ESRRG: variants seen among roughly 807,000 people sequenced by gnomAD.
The protein encoded by ESRRG is estrogen related receptor gamma.
Under a neutral mutation model 44.0 loss-of-function variants are expected in ESRRG, and 13 were observed. The observed-to-expected ratio is 0.30, with a 90% confidence interval of 0.19 to 0.47. The LOEUF (loss-of-function observed/expected upper bound fraction) is 0.47, where lower values mean the gene tolerates loss of function less well. ESRRG is among the 20% of genes least tolerant of loss of function. ESRRG has a pLI of 1.00. For synonymous variants in ESRRG, 215 were observed against 214.6 expected, an observed-to-expected ratio of 1.00 and a Z score of -0.02; for missense variants, 395 against 580.6, an observed-to-expected ratio of 0.68 and a Z score of 3.29.
intron 1 of ESRRG, among the ~76,000 whole-genome samples, chr1:216,964,194 G>A (rs759418805): frequency 1.3e-5 from 2 of 152,116 alleles, no homozygotes; most frequent in Non-Finnish European, 2.9e-5. Context: ...TAGGATTTTG[G>A]TCTTTATCCT....
chr1:217,026,789 A>G (rs1189329495), intron 1 of ESRRG, among the ~76,000 whole-genome samples: 2 of 152,146 alleles, frequency 1.3e-5, no homozygotes, highest in East Asian at 3.9e-4. Flanking sequence ...TTCCATGCAG[A>G]GTCCCCAGTG....
At chr1:216,877,393 G>T (rs369956238) in intron 2 of ESRRG, among the ~76,000 whole-genome samples, 19,009 of 139,378 alleles carry the variant, frequency 0.14, 1,817 homozygotes, top group Non-Finnish European at 0.18. Flanking sequence ...TTTTTTGTTT[G>T]TTTGTTTGTT....
chr1:216,813,459 C>T (rs755203332), intron 2 of ESRRG, among the ~76,000 whole-genome samples: 2 of 152,018 alleles, frequency 1.3e-5, no homozygotes, highest in African/African-American at 2.4e-5. Context: ...GGAGTATGTC[C>T]CAACTCAGAG....
intron 2 of ESRRG, among the ~76,000 whole-genome samples, chr1:216,877,149 T>C (rs1174138612): frequency 6.6e-6 from 1 of 152,158 alleles, no homozygotes; most frequent in African/African-American, 2.4e-5. Flanking sequence ...GTACTCATCA[T>C]GTTTCATTAT....
chr1:216,673,266 G>C (rs1236486279), intron 2 of ESRRG, among the ~76,000 whole-genome samples: 1 of 152,194 alleles, frequency 6.6e-6, no homozygotes, highest in African/African-American at 2.4e-5. Context: ...GAAAGGAGGG[G>C]CCGTTCCAAT....
chr1:217,116,669 A>T (rs765445990), intron 1 of ESRRG, among the ~76,000 whole-genome samples: 1 of 152,172 alleles, frequency 6.6e-6, no homozygotes, highest in Non-Finnish European at 1.5e-5. Flanking sequence ...AGACTGTAGC[A>T]ACCAAGATGC....
At chr1:216,539,891 C>T (rs1206194574) in intron 5 of ESRRG, among the ~76,000 whole-genome samples, 4 of 151,804 alleles carry the variant, frequency 2.6e-5, no homozygotes, top group African/African-American at 9.7e-5. Flanking sequence ...AAATTCATTA[C>T]TACCAAAATA....
intron 1 of ESRRG, among the ~76,000 whole-genome samples, chr1:217,070,508 G>A (rs940540428): frequency 1.3e-5 from 2 of 151,982 alleles, no homozygotes; most frequent in Non-Finnish European, 2.9e-5. Context: ...CAGCCTCCCA[G>A]TAGCTGGGAT....
At chr1:216,901,095 C>T (rs1011881672) in intron 2 of ESRRG, among the ~76,000 whole-genome samples, 1 of 151,892 alleles carries the variant, frequency 6.6e-6, no homozygotes, top group Admixed American at 6.6e-5. Context: ...GTTAACAAAA[C>T]ATGATTGGAA....
In ESRRG at chr1:216,624,693, C is replaced by T. The variant is rs188163726; in HGVS notation, c.589+26280G>A. Among the ~76,000 whole-genome samples the T allele has an allele frequency of 8.1e-4, 124 of 152,218 alleles. 1 individual carries two copies. Among genetic ancestry groups the T allele is most frequent in the Admixed American group, 7.7e-3 (117 of 15,282 alleles). On this transcript the variant is annotated intron_variant, in intron 3 of 6. Transcript: ENST00000408911. ...TCTGTTCTCAGGTTAATATCTCCAT[C>T]CCTGAAAGTCTCACCCAAATTCAAG...
At chr1:216,933,642 G>A (rs1293698337) in intron 2 of ESRRG, among the ~76,000 whole-genome samples, 1 of 152,142 alleles carries the variant, frequency 6.6e-6, no homozygotes, top group Non-Finnish European at 1.5e-5. Flanking sequence ...ATTGGAAAGT[G>A]ATTAATTTGC....
At chr1:216,592,503 CT>C (rs796962095) in intron 3 of ESRRG, among the ~76,000 whole-genome samples, 63 of 147,518 alleles carry the variant, frequency 4.3e-4, no homozygotes, top group South Asian at 1.7e-3. Flanking sequence ...TGTCATCTAT[CT>C]TTTTTTTTTT....
Position 216,872,501 on chromosome 1 carries a change from T to G in ESRRG, c.-14+67081A>C, listed in dbSNP as rs1033670218. Reference sequence around the variant, plus strand: ...TGTTTATTTTTTCTCTCAGTCTGGTTTTTCTCTGTTTATCAGATTGGATAA... The same window carrying G: ...TGTTTATTTTTTCTCTCAGTCTGGTGTTTCTCTGTTTATCAGATTGGATAA... On this transcript the variant is annotated intron_variant, in intron 2 of 7. Coordinates refer to the ESRRG transcript ENST00000359162. Among the ~76,000 whole-genome samples, 3 of 152,156 alleles carry G rather than the reference T, an allele frequency of 2.0e-5. 1 individual carries two copies. The highest frequency in any genetic ancestry group is 6.5e-5 in the Admixed American group (1 of 15,274).
At chr1:216,770,902 A>G (rs1214827135) in intron 2 of ESRRG, among the ~76,000 whole-genome samples, 2 of 152,074 alleles carry the variant, frequency 1.3e-5, no homozygotes, top group African/African-American at 2.4e-5. Flanking sequence ...CCTTCCATTC[A>G]TTCATTTATT....
chr1:216,627,161 A>G (rs949317218), intron 3 of ESRRG, among the ~76,000 whole-genome samples: 42 of 152,260 alleles, frequency 2.8e-4, no homozygotes, highest in African/African-American at 9.9e-4. Flanking sequence ...GTAGAAATCA[A>G]TAATAAACAT....
intron 2 of ESRRG, among the ~76,000 whole-genome samples, chr1:216,765,923 G>T (rs147060087): frequency 6.6e-6 from 1 of 152,062 alleles, no homozygotes; most frequent in Non-Finnish European, 1.5e-5. Context: ...ACGGATCCCT[G>T]GTTCTTTTTC....
At chr1:216,890,356 A>G (rs2057607442) in intron 2 of ESRRG, among the ~76,000 whole-genome samples, 1 of 152,194 alleles carries the variant, frequency 6.6e-6, no homozygotes, top group Admixed American at 6.6e-5. Flanking sequence ...TATAAAGCCC[A>G]TATCATTTTG....
intron 3 of ESRRG, among the ~76,000 whole-genome samples, chr1:216,575,106 C>T (rs765065010): frequency 1.8e-4 from 27 of 152,176 alleles, no homozygotes; most frequent in African/African-American, 5.1e-4. Flanking sequence ...GGTTCTCCTT[C>T]GGGACAATAT....
At chr1:216,772,380 G>T (rs1341197584) in intron 2 of ESRRG, among the ~76,000 whole-genome samples, 1 of 151,986 alleles carries the variant, frequency 6.6e-6, no homozygotes, top group Non-Finnish European at 1.5e-5. Flanking sequence ...CAGCAGCTCG[G>T]GTAGAAGCTG....
Sources: allele counts gnomAD v4.1 joint callset (sites outside exome capture counted in the v4.1 genomes callset), GRCh38; gene constraint gnomAD v4.1.1; transcripts MANE v1.5; gene names NCBI Gene and HGNC (gene_info 2026-07-23, HGNC 2026-07-21).